Variants in CC2D2B observed in about 807,000 individuals in gnomAD.
CC2D2B encodes the protein coiled-coil and C2 domain containing 2B, also known as protein CC2D2B.
In CC2D2B, 128 loss-of-function variants were observed where a neutral mutation model predicts 161.2. The ratio of observed to expected loss-of-function variants is 0.79; its 90% CI spans 0.69 to 0.92. The LOEUF (loss-of-function observed/expected upper bound fraction) is 0.92. Ranked by LOEUF, CC2D2B falls within the 40% of genes least tolerant of loss-of-function variation. The pLI is 0.00. For synonymous variants in CC2D2B, 391 were observed against 449.8 expected (o/e 0.87, Z 1.65); for missense variants, 1,173 against 1,375.1 (o/e 0.85, Z 2.32).
chr10:95,971,063 A>G (rs1405372525), intron 15 of CC2D2B, among the ~76,000 whole-genome samples: 1 of 152,170 alleles, frequency 6.6e-6, no homozygotes, highest in African/African-American at 2.4e-5. Flanking sequence ...CTGACAACAC[A>G]GTATAAGTCA....
chr10:96,021,331 C>A (rs540049308), intron 32 of CC2D2B: 1 of 152,306 alleles, frequency 6.6e-6, no homozygotes, highest in East Asian at 1.9e-4. Flanking sequence ...AAATTTGAAA[C>A]AGTTCATCAA....
intron 9 of CC2D2B, among the ~76,000 whole-genome samples, chr10:95,948,359 A>G (rs1019404549): frequency 5.1e-5 from 5 of 97,142 alleles, no homozygotes; most frequent in African/African-American, 2.1e-4. Flanking sequence ...CCGCATATCT[A>G]CAACTATCTG....
chr10:95,962,924 A>G (rs962643593), intron 12 of CC2D2B, among the ~76,000 whole-genome samples: 4 of 152,124 alleles, frequency 2.6e-5, no homozygotes, highest in Non-Finnish European at 5.9e-5. Flanking sequence ...ATCCCTGAGC[A>G]ACAAAGAGGA....
intron 6 of CC2D2B, among the ~76,000 whole-genome samples, chr10:95,932,278 C>A (rs983155684): frequency 6.6e-6 from 1 of 152,138 alleles, no homozygotes; most frequent in Non-Finnish European, 1.5e-5. Context: ...TGTGTCTTTG[C>A]ATGTGAGATG....
intron 10 of CC2D2B, among the ~76,000 whole-genome samples, chr10:95,951,164 TC>T (rs2076388468): frequency 6.6e-6 from 1 of 150,752 alleles, no homozygotes; most frequent in Non-Finnish European, 1.5e-5. Flanking sequence ...CAGGACTTAA[TC>T]CATTTTTTTT....
rs551625443 is a variant in CC2D2B at position 95,996,281 on chromosome 10, C to T, written c.2849+29C>T. On this transcript the variant is annotated intron_variant, in intron 24 of 34. Coordinates refer to ENST00000646931, the MANE Select transcript of CC2D2B (RefSeq NM_001349008.3). ...AGTTGGAGTTCATTTTTCCATAGCT[C>T]CTAAAAAAAGAGCAATAATAAAATT... The T allele has an allele frequency of 5.6e-5, 55 of 986,680 alleles. No homozygotes were observed. In the African/African-American group the frequency reaches 8.7e-4, roughly 16 times the overall value. 61.1% of individuals were successfully genotyped at this position (986,680 alleles called of 1,614,324 possible). A position where few individuals can be genotyped will look rare whatever the true frequency, so the allele number is the denominator to read the frequency against.
chr10:95,980,466 A>C (rs11599105), intron 17 of CC2D2B, among the ~76,000 whole-genome samples: 23,387 of 152,092 alleles, frequency 0.15, 1,933 homozygotes, highest in African/African-American at 0.2. Flanking sequence ...AAAAGTTTCT[A>C]ATCTATTCGT....
intron 20 of CC2D2B, among the ~76,000 whole-genome samples, chr10:95,991,091 T>A (rs527996717): frequency 6.6e-6 from 1 of 152,026 alleles, no homozygotes; most frequent in Non-Finnish European, 1.5e-5. Context: ...GTGAGTTAGA[T>A]GAAAAAAATA....
Position 96,012,359 on chromosome 10 carries a change from C to T in CC2D2B, c.3220C>T (p.Leu1074=). 1.4e-6 allele frequency: 1 copy of T among 690,000 alleles called. No homozygotes were observed. Among genetic ancestry groups the T allele is most frequent in the South Asian group, 1.6e-5 (1 of 62,158 alleles). The allele number at this position is 690,000 out of a possible 1,614,324, so 42.7% of individuals were successfully genotyped here. ...ATCATATGTCACCTGTAATCCAACA[C>T]TAGATAAGGTAGGTTTTACATTGAA... ...QISYVTCNPT[L]DKFLDQTEVL... Residue 1074 remains leucine, a synonymous_variant, in exon 27 of 35, where the codon CTA becomes TTA. Transcript: ENST00000646931.
chr10:95,947,245 C>A (rs1199277954), intron 9 of CC2D2B, among the ~76,000 whole-genome samples: 5 of 148,910 alleles, frequency 3.4e-5, no homozygotes, highest in African/African-American at 1.2e-4. Context: ...CCCAAGTAGT[C>A]GGGATTACAG....
intron 2 of CC2D2B, among the ~76,000 whole-genome samples, chr10:95,917,543 A>G (rs2098518698): frequency 6.6e-6 from 1 of 151,726 alleles, no homozygotes; most frequent in African/African-American, 2.4e-5. Flanking sequence ...CTTGCTTTAT[A>G]TTTTTTGTGT....
intron 31 of CC2D2B, 117 bp from the exon 32 acceptor site, chr10:96,019,585 G>A (rs1001617334): frequency 1.7e-5 from 17 of 1,028,918 alleles, no homozygotes; most frequent in Non-Finnish European, 2.3e-5. Context: ...TCAGAACCCC[G>A]CTGGGATTCT....
chr10:95,968,372 C>G (rs886428084), intron 14 of CC2D2B, among the ~76,000 whole-genome samples: 1 of 152,092 alleles, frequency 6.6e-6, no homozygotes, highest in African/African-American at 2.4e-5. Flanking sequence ...ATTCAACCTC[C>G]CCTCCCCATT....
rs1169560460 is a variant in CC2D2B, at chr10:95,993,952, GTATATATATATA to G, written c.2643-1282_2643-1271del. Among the ~76,000 whole-genome samples, 80 of 18,178 alleles carry G rather than the reference GTATATATATATA, an allele frequency of 4.4e-3. 1 individual carries two copies. Among genetic ancestry groups the G allele is most frequent in the African/African-American group, 0.01 (68 of 6,730 alleles). 11.9% of individuals were successfully genotyped at this position (18,178 alleles called of 152,430 possible). On this transcript the variant is annotated intron_variant, in intron 22 of 34. Transcript: ENST00000646931. ...TGTGTGTGTGTGTGTGTATGTATGT[GTATATATATATA>G]TATATATATATATATATATATATAT...
chr10:95,958,411 G>A (rs2076651550), intron 11 of CC2D2B, among the ~76,000 whole-genome samples: 1 of 152,190 alleles, frequency 6.6e-6, no homozygotes, highest in Non-Finnish European at 1.5e-5. Flanking sequence ...AGAATTGCTT[G>A]AACCTGGGAG....
intron 10 of CC2D2B, among the ~76,000 whole-genome samples, chr10:95,950,730 C>G (rs1487456142): frequency 6.6e-6 from 1 of 152,142 alleles, no homozygotes; most frequent in Non-Finnish European, 1.5e-5. Context: ...ACATTCAATC[C>G]TGATGGAGCC....
intron 19 of CC2D2B, among the ~76,000 whole-genome samples, chr10:95,987,449 C>T (rs1335333387): frequency 1.3e-5 from 2 of 152,116 alleles, no homozygotes; most frequent in African/African-American, 2.4e-5. Flanking sequence ...AAGTAACTTA[C>T]CTTCAGATAA....
chr10:95,974,513 A>C (rs2077248183), intron 17 of CC2D2B, among the ~76,000 whole-genome samples: 1 of 152,146 alleles, frequency 6.6e-6, no homozygotes, highest in Admixed American at 6.5e-5. Context: ...TCATTCTGGG[A>C]GTTCCCAGAA....
At chr10:96,019,379 G>T in intron 31 of CC2D2B, 42 bp downstream of exon 31, 1 of 1,552,940 alleles carries the variant, frequency 6.4e-7, no homozygotes, top group Non-Finnish European at 8.7e-7. Flanking sequence ...ATCTCCTCTA[G>T]AGTCACCCTG....
Sources: allele counts gnomAD v4.1 joint callset (sites outside exome capture counted in the v4.1 genomes callset), GRCh38; gene constraint gnomAD v4.1.1; transcripts MANE v1.5; gene names NCBI Gene and HGNC (gene_info 2026-07-23, HGNC 2026-07-21).